The following C2CD5 variants were observed in gnomAD, a reference collection of about 807,000 sequenced individuals.
The protein encoded by C2CD5 is C2 domain-containing protein 5.
In C2CD5, 109 loss-of-function variants were observed where a neutral mutation model predicts 130.3. The observed-to-expected ratio is 0.84, with a 90% CI of 0.72 to 0.98. The LOEUF (loss-of-function observed/expected upper bound fraction) is 0.98. C2CD5 is among the 50% of genes least tolerant of loss of function. C2CD5 has a pLI of 0.00. For synonymous variants in C2CD5, 454 were observed against 429.2 expected (o/e 1.06, Z -0.71); for missense variants, 996 against 1,261.8 (o/e 0.79, Z 3.19).
At chr12:22,484,993 A>G in intron 12 of C2CD5, 105 bp from the exon 13 acceptor site, 1 of 475,678 alleles carries the variant, frequency 2.1e-6, no homozygotes, top group Non-Finnish European at 3.5e-6. Context: ...TATACGAACT[A>G]TCCAACTTCT....
intron 12 of C2CD5, among the ~76,000 whole-genome samples, chr12:22,488,868 T>C (rs1181104043): frequency 1.3e-5 from 2 of 151,280 alleles, no homozygotes; most frequent in African/African-American, 2.4e-5. Context: ...GATACAGAAT[T>C]TTTTTGCTTT....
chr12:22,449,806 G>A lies in C2CD5; in HGVS notation c.3110C>T (p.Thr1037Ile), dbSNP rs566095282. The A allele has an allele frequency of 1.4e-4, 231 of 1,610,264 alleles. 4 individuals are homozygous for A. The South Asian group carries it at 2.4e-3, about 17-fold the overall frequency. ...AGTACATGATGACTGGCAGTTGGTA[G>A]TAGGTTGCTGAGATGACACCACTTC... ...DLEVVSSQQP[T>I]TNCQSSCTEG... Residue 1037 changes from threonine (T) to isoleucine (I), a missense_variant, in exon 27 of 27, where the codon ACT becomes ATT. Physicochemically the swap from Thr to Ile is moderately conservative, Grantham distance 89. Around this residue, in one of 9 missense-constraint regions of C2CD5, gnomAD observed 48 missense variants for 46.4 expected, o/e 1.03. Coordinates refer to ENST00000446597, the MANE Select transcript of C2CD5 (RefSeq NM_001286176.2).
In C2CD5 at chr12:22,489,077, T is replaced by C. The variant is rs188312831; in HGVS notation, c.1358+1046A>G. ...TTTTAGTGGAGACGGGGTTTCACCATGTTGGCCAGGCTGGTCTCAAACTCC... is the reference window on the plus strand; with the variant it reads ...TTTTAGTGGAGACGGGGTTTCACCACGTTGGCCAGGCTGGTCTCAAACTCC... On this transcript the variant is annotated intron_variant, in intron 12 of 26. Transcript: ENST00000446597. Among the ~76,000 whole-genome samples, 419 of 151,938 alleles carry C rather than the reference T, an allele frequency of 2.8e-3. 3 individuals are homozygous for C. Among genetic ancestry groups the C allele is most frequent in the African/African-American group, 9.5e-3 (392 of 41,416 alleles).
intron 11 of C2CD5, among the ~76,000 whole-genome samples, 179 bp from the exon 12 acceptor site, chr12:22,490,397 T>C (rs1198875259): frequency 1.3e-5 from 2 of 152,178 alleles, no homozygotes; most frequent in Admixed American, 1.3e-4. Flanking sequence ...GAAGTAACTT[T>C]ATTTGAATGG....
chr12:22,523,274 T>C (rs984799654), intron 7 of C2CD5, 152 bp downstream of exon 7: 2 of 571,348 alleles, frequency 3.5e-6, no homozygotes, highest in Non-Finnish European at 6.1e-6. Context: ...TATTTAAATA[T>C]TTTTAAGTTT....
At chr12:22,508,445 T>C (rs969095966) in intron 9 of C2CD5, among the ~76,000 whole-genome samples, 1 of 152,214 alleles carries the variant, frequency 6.6e-6, no homozygotes, top group Admixed American at 6.5e-5. Flanking sequence ...CTTCTTTTTC[T>C]GTCCTCTAAG....
At chr12:22,535,714 A>G (rs781096094) in intron 2 of C2CD5, among the ~76,000 whole-genome samples, 3 of 152,192 alleles carry the variant, frequency 2.0e-5, no homozygotes, top group Non-Finnish European at 2.9e-5. Context: ...ACATCAAAAG[A>G]TGATCAACCT....
At chr12:22,519,023 G>A (rs960592009) in intron 7 of C2CD5, 15 of 1,102,124 alleles carry the variant, frequency 1.4e-5, no homozygotes, top group East Asian at 2.8e-5. Context: ...AAGATTTATG[G>A]TACCTGCCTA....
rs954709476 is a variant in C2CD5, at chr12:22,535,526, C to G, written c.91-182G>C. Among the ~76,000 whole-genome samples the G allele has an allele frequency of 3.3e-5, 5 of 152,062 alleles. No homozygotes were observed. The East Asian group carries it at 7.7e-4, about 23-fold the overall frequency. On this transcript the variant is annotated intron_variant, in intron 2 of 26. Coordinates refer to ENST00000446597, the MANE Select transcript of C2CD5 (RefSeq NM_001286176.2). ...AAGATTGTAGACTAATAATAATACC[C>G]ACAACAAGCAATCACCCATTGCTCT...
intron 26 of C2CD5, among the ~76,000 whole-genome samples, chr12:22,451,064 G>T (rs1938488761): frequency 6.6e-6 from 1 of 151,620 alleles, no homozygotes; most frequent in Non-Finnish European, 1.5e-5. Context: ...ACACACTCTG[G>T]AGTGTTACAT....
At chr12:22,470,152 C>G (rs936087325) in intron 21 of C2CD5, among the ~76,000 whole-genome samples, 2 of 152,130 alleles carry the variant, frequency 1.3e-5, no homozygotes, top group South Asian at 4.1e-4. Flanking sequence ...TGATAAATAT[C>G]TGAACACATA....
At chr12:22,544,291 C>T (rs943739097) in intron 1 of C2CD5, 29 bp downstream of exon 1, 2 of 617,818 alleles carry the variant, frequency 3.2e-6, no homozygotes, top group African/African-American at 2.0e-5. Context: ...CGCGGGCGCC[C>T]GGCAGTCGCG....
intron 10 of C2CD5, among the ~76,000 whole-genome samples, chr12:22,497,898 G>GCACA (rs1356049317): frequency 2.0e-4 from 20 of 102,232 alleles, no homozygotes; most frequent in African/African-American, 2.6e-4. Flanking sequence ...ATACACGCAT[G>GCACA]CACACACATA....
intron 7 of C2CD5, among the ~76,000 whole-genome samples, chr12:22,522,303 G>C (rs546604780): frequency 1.3e-5 from 2 of 152,070 alleles, no homozygotes; most frequent in African/African-American, 4.8e-5. Flanking sequence ...CTTGCTGTGC[G>C]GGATAGTCAG....
At chr12:22,505,953 T>C (rs1021399140) in intron 10 of C2CD5, among the ~76,000 whole-genome samples, 1 of 152,110 alleles carries the variant, frequency 6.6e-6, no homozygotes, top group Non-Finnish European at 1.5e-5. Context: ...CAGAGTGGAA[T>C]CCCAGCACAG....
intron 19 of C2CD5, 59 bp from the exon 20 acceptor site, chr12:22,471,547 ATTTT>A (rs1047459503): frequency 2.1e-6 from 2 of 949,868 alleles, no homozygotes; most frequent in Non-Finnish European, 3.2e-6. Flanking sequence ...TTAAAAGCTG[ATTTT>A]TTTAATGTAC....
At chr12:22,467,439 G>T (rs1001097095) in intron 22 of C2CD5, among the ~76,000 whole-genome samples, 8 of 152,110 alleles carry the variant, frequency 5.3e-5, no homozygotes, top group African/African-American at 1.9e-4. Flanking sequence ...GCGCCCAGCT[G>T]AACACACTTA....
chr12:22,500,110 G>A (rs752422879), intron 10 of C2CD5, among the ~76,000 whole-genome samples: 1 of 152,110 alleles, frequency 6.6e-6, no homozygotes, highest in Non-Finnish European at 1.5e-5. Context: ...CTTGAACCTG[G>A]GAGGCGGAGG....
intron 8 of C2CD5, chr12:22,515,091 C>T: frequency 1.0e-6 from 1 of 985,100 alleles, no homozygotes; most frequent in Non-Finnish European, 1.2e-6. Flanking sequence ...TGAAGGGAAC[C>T]ACAAGAGAGA....
Sources: allele counts gnomAD v4.1 joint callset (sites outside exome capture counted in the v4.1 genomes callset), GRCh38; gene constraint gnomAD v4.1.1; regional missense constraint gnomAD v4.1.1; transcripts MANE v1.5; gene names NCBI Gene and HGNC (gene_info 2026-07-23, HGNC 2026-07-21).